Variants in SRRM4 observed in about 807,000 individuals in gnomAD.
SRRM4 encodes the protein serine/arginine repetitive matrix protein 4.
SRRM4 carries 33 observed loss-of-function variants against 68.9 expected under a neutral mutation model. The observed-to-expected ratio is 0.48, with a 90% CI of 0.36 to 0.64. The LOEUF (loss-of-function observed/expected upper bound fraction) is 0.64, where lower values mean the gene tolerates loss of function less well. Ranked by LOEUF, SRRM4 falls within the 30% of genes least tolerant of loss-of-function variation. The probability of loss-of-function intolerance (pLI) is 0.00; values close to 1 mark genes in which losing one functional copy is unlikely to be tolerated. For synonymous variants in SRRM4, 318 were observed against 318.8 expected, an observed-to-expected ratio of 1.00 and a Z score of 0.03; for missense variants, 817 against 827.1, an observed-to-expected ratio of 0.99 and a Z score of 0.15.
At chr12:119,102,158 A>G in intron 1 of SRRM4, 78 bp from the exon 2 acceptor site, 3 of 1,392,940 alleles carry the variant, frequency 2.2e-6, no homozygotes, top group Non-Finnish European at 9.8e-7. Flanking sequence ...AAATACTAGT[A>G]ATTCTATGAA....
chr12:119,052,957 G>T (rs938408884), intron 1 of SRRM4, among the ~76,000 whole-genome samples: 1 of 152,190 alleles, frequency 6.6e-6, no homozygotes, highest in African/African-American at 2.4e-5. Context: ...ATTATTATTT[G>T]CCTGAGAGAT....
chr12:119,009,599 G>A lies in SRRM4; in HGVS notation c.131+27586G>A, dbSNP rs1953436485. Among the ~76,000 whole-genome samples the A allele has an allele frequency of 2.6e-5, 4 of 152,286 alleles. 1 individual carries two copies. In the South Asian group the frequency reaches 8.3e-4, roughly 32 times the overall value. ...CTTCTTGCCAGCTGTGTGACCTTGG[G>A]CCAACTACTTCACCTCTCTGAGGCT... On this transcript the variant is annotated intron_variant, in intron 1 of 12. Transcript: ENST00000267260.
chr12:119,112,204 T>A (rs558917419), intron 2 of SRRM4, among the ~76,000 whole-genome samples: 198 of 152,272 alleles, frequency 1.3e-3, no homozygotes, highest in African/African-American at 4.3e-3. Flanking sequence ...ATTTTTAACC[T>A]ACTAAAAGGG....
chr12:119,120,137 T>A, intron 4 of SRRM4, 113 bp from the exon 5 acceptor site: 2 of 581,912 alleles, frequency 3.4e-6, no homozygotes, highest in Non-Finnish European at 3.0e-6. Flanking sequence ...CCTTTCTTCC[T>A]TCCTCCTTTC....
chr12:119,121,708 T>C (rs528961815), intron 5 of SRRM4, among the ~76,000 whole-genome samples: 1 of 152,298 alleles, frequency 6.6e-6, no homozygotes, highest in East Asian at 1.9e-4. Context: ...ACCCATAGGT[T>C]GTGGAGAGAA....
At chr12:119,066,697 A>G (rs146116731) in intron 1 of SRRM4, among the ~76,000 whole-genome samples, 173 of 152,324 alleles carry the variant, frequency 1.1e-3, no homozygotes, top group African/African-American at 3.8e-3. Flanking sequence ...ACAGCCCTTC[A>G]CCTGATGTTC....
At chr12:119,105,367 T>C (rs143525295) in intron 2 of SRRM4, among the ~76,000 whole-genome samples, 204 of 152,332 alleles carry the variant, frequency 1.3e-3, no homozygotes, top group African/African-American at 4.7e-3. Flanking sequence ...ATGATATTTC[T>C]AGTTTTAGAT....
chr12:119,055,116 A>T (rs1854670030), intron 1 of SRRM4, among the ~76,000 whole-genome samples: 1 of 152,184 alleles, frequency 6.6e-6, no homozygotes, highest in South Asian at 2.1e-4. Flanking sequence ...TCATAACAAG[A>T]GAGAACGGAT....
chr12:119,019,949 TCCC>T (rs200015673), intron 1 of SRRM4, among the ~76,000 whole-genome samples: 4 of 43,356 alleles, frequency 9.2e-5, no homozygotes, highest in East Asian at 6.7e-4. Flanking sequence ...TTCCCCCCGC[TCCC>T]CCCCCCCCCA....
At chr12:119,001,644 A>G (rs1450627753) in intron 1 of SRRM4, 1 of 152,180 alleles carries the variant, frequency 6.6e-6, no homozygotes, top group Non-Finnish European at 1.5e-5. Context: ...TTATTTCTAT[A>G]TTACAGATAA....
At chr12:119,126,822 A>G (rs1954264210) in intron 7 of SRRM4, among the ~76,000 whole-genome samples, 1 of 151,172 alleles carries the variant, frequency 6.6e-6, no homozygotes, top group East Asian at 1.9e-4. Context: ...ATGTCCAACA[A>G]TGATAGACTG....
At chr12:119,003,545 C>T (rs145981378) in intron 1 of SRRM4, among the ~76,000 whole-genome samples, 408 of 152,064 alleles carry the variant, frequency 2.7e-3, no homozygotes, top group Non-Finnish European at 4.8e-3. Context: ...GGTAGAGGTT[C>T]CGAGGGGAGG....
At chr12:119,041,727 T>C (rs916289700) in intron 1 of SRRM4, among the ~76,000 whole-genome samples, 1 of 152,230 alleles carries the variant, frequency 6.6e-6, no homozygotes, top group Non-Finnish European at 1.5e-5. Context: ...AGTGCCCCAC[T>C]TGATTCTTGA....
chr12:119,082,563 G>A (rs1436734544), intron 1 of SRRM4, among the ~76,000 whole-genome samples: 1 of 152,296 alleles, frequency 6.6e-6, no homozygotes, highest in East Asian at 1.9e-4. Context: ...TTTGAATGCT[G>A]AGCCAAGCCA....
intron 1 of SRRM4, among the ~76,000 whole-genome samples, chr12:119,042,241 C>T (rs11613424): frequency 0.043 from 6,558 of 151,482 alleles, 191 homozygotes; most frequent in East Asian, 0.12. Context: ...GCAGGTTGTA[C>T]AGTGAGGTGG....
intron 1 of SRRM4, among the ~76,000 whole-genome samples, chr12:119,066,376 A>G (rs1177586451): frequency 1.3e-5 from 2 of 152,234 alleles, no homozygotes; most frequent in Non-Finnish European, 2.9e-5. Flanking sequence ...TAAAGAGGGA[A>G]AGAAACTGGA....
At chr12:119,000,619 G>A (rs1206156637) in intron 1 of SRRM4, among the ~76,000 whole-genome samples, 2 of 152,158 alleles carry the variant, frequency 1.3e-5, no homozygotes, top group Non-Finnish European at 1.5e-5. Context: ...AAAAGTGAGG[G>A]CAAAAGGACA....
In SRRM4 at chr12:118,981,797, C is replaced by T. The variant is rs1594012105; in HGVS notation, c.-86C>T. 4.0e-6 allele frequency: 6 copies of T among 1,493,614 alleles called. No homozygotes were observed. The African/African-American group carries it at 4.1e-5, about 10-fold the overall frequency. The allele number at this position is 1,493,614 out of a possible 1,614,324, so 92.5% of individuals were successfully genotyped here. ...TCTCTGGGTTTCACCCGGACAGAGC[C>T]GGGAGCTGGGTGTCGCCCCCGTTTG... On this transcript the variant is annotated 5_prime_UTR_variant, in exon 1 of 13. Transcript: ENST00000267260.
chr12:118,983,225 C>T (rs760649030), intron 1 of SRRM4, among the ~76,000 whole-genome samples: 1 of 152,186 alleles, frequency 6.6e-6, no homozygotes, highest in Non-Finnish European at 1.5e-5. Context: ...GAGAAGTTTT[C>T]CTCTTCACTG....
Sources: allele counts gnomAD v4.1 joint callset (sites outside exome capture counted in the v4.1 genomes callset), GRCh38; gene constraint gnomAD v4.1.1; transcripts MANE v1.5; gene names NCBI Gene and HGNC (gene_info 2026-07-23, HGNC 2026-07-21).